Variants in NEGR1 observed in about 807,000 individuals in gnomAD.
NEGR1 encodes the protein neuronal growth regulator 1.
A neutral mutation model predicts 40.9 loss-of-function variants in NEGR1; 10 were observed. The ratio of observed to expected loss-of-function variants is 0.24; its 90% confidence interval spans 0.15 to 0.42. The LOEUF is 0.42. Ranked by LOEUF, NEGR1 falls within the 10% of genes least tolerant of loss-of-function variation. The probability of loss-of-function intolerance (pLI) is 1.00; values close to 1 mark genes in which losing one functional copy is unlikely to be tolerated. For synonymous variants in NEGR1, 185 were observed against 166.8 expected, an observed-to-expected ratio of 1.11 and a Z score of -0.84; for missense variants, 352 against 438.9, an observed-to-expected ratio of 0.80 and a Z score of 1.77.
At chr1:71,686,389 T>C (rs1238181440) in intron 4 of NEGR1, among the ~76,000 whole-genome samples, 2 of 152,142 alleles carry the variant, frequency 1.3e-5, no homozygotes, top group Non-Finnish European at 2.9e-5. Flanking sequence ...GGTAGGGATA[T>C]TCTGCTGCAC....
intron 2 of NEGR1, among the ~76,000 whole-genome samples, chr1:71,885,946 T>C (rs1660711261): frequency 3.3e-5 from 5 of 152,182 alleles, no homozygotes; most frequent in Admixed American, 3.3e-4. Flanking sequence ...GAAATGCTTT[T>C]AATAAGCAGG....
At chr1:72,204,388 G>T (rs1180652143) in intron 1 of NEGR1, among the ~76,000 whole-genome samples, 3 of 152,000 alleles carry the variant, frequency 2.0e-5, no homozygotes, top group African/African-American at 7.2e-5. Flanking sequence ...AGGAGTAAAA[G>T]AATTTTTAGA....
chr1:72,100,629 ATTTG>A (rs1289366468), intron 1 of NEGR1: 1 of 152,150 alleles, frequency 6.6e-6, no homozygotes, highest in Non-Finnish European at 1.5e-5. Context: ...GTTCTAAATT[ATTTG>A]TTTATTATTT....
chr1:72,038,505 AT>A (rs1244493472), intron 1 of NEGR1, among the ~76,000 whole-genome samples: 2 of 152,042 alleles, frequency 1.3e-5, no homozygotes, highest in African/African-American at 4.8e-5. Context: ...GTCAGTGAGT[AT>A]GCAAGCTCAA....
chr1:71,748,990 A>G (rs1427177086), intron 3 of NEGR1, among the ~76,000 whole-genome samples: 2 of 152,156 alleles, frequency 1.3e-5, no homozygotes, highest in East Asian at 3.9e-4. Context: ...ATCAAATAAG[A>G]TCATAGTATT....
chr1:72,187,648 A>G (rs1052089614), intron 1 of NEGR1, among the ~76,000 whole-genome samples: 2 of 123,598 alleles, frequency 1.6e-5, no homozygotes, highest in Admixed American at 1.8e-4. Context: ...GCCATGTTGA[A>G]ACAGACAATC....
intron 3 of NEGR1, among the ~76,000 whole-genome samples, chr1:71,773,139 T>A (rs976652146): frequency 6.6e-6 from 1 of 152,168 alleles, no homozygotes; most frequent in African/African-American, 2.4e-5. Flanking sequence ...AGCCTCATTT[T>A]TCTGTAAATA....
chr1:71,683,124 C>T (rs188332394), intron 4 of NEGR1, among the ~76,000 whole-genome samples: 6 of 152,104 alleles, frequency 3.9e-5, no homozygotes, highest in East Asian at 1.9e-4. Context: ...ATAGGTTTTC[C>T]GAGGAGAATT....
In NEGR1 at chr1:71,727,310, C is replaced by A. The variant is rs539118222; in HGVS notation, c.536-29171G>T. On this transcript the variant is annotated intron_variant, in intron 3 of 6. Coordinates refer to ENST00000357731, the MANE Select transcript of NEGR1 (RefSeq NM_173808.3). ...ATAATTTTAATATACCATATAAAAA[C>A]AAATAAGTAATAACCACTTTGAATT... is the stretch of plus-strand genomic sequence containing the variant. 3.9e-5 allele frequency among the ~76,000 whole-genome samples: 6 copies of A among 152,064 alleles called. No homozygotes were observed. The East Asian group carries it at 1.2e-3, about 29-fold the overall frequency.
intron 1 of NEGR1, among the ~76,000 whole-genome samples, chr1:72,139,579 A>C (rs1384557893): frequency 6.6e-6 from 1 of 152,100 alleles, no homozygotes; most frequent in Non-Finnish European, 1.5e-5. Context: ...ATATGAAAGC[A>C]CACTCATAGG....
At chr1:71,691,201 C>T (rs2101622137) in intron 4 of NEGR1, among the ~76,000 whole-genome samples, 2 of 151,940 alleles carry the variant, frequency 1.3e-5, no homozygotes. Flanking sequence ...ATGTCTCCCT[C>T]AATAGAAAAA....
chr1:71,670,454 C>A (rs905337715), intron 4 of NEGR1, among the ~76,000 whole-genome samples: 3 of 152,116 alleles, frequency 2.0e-5, no homozygotes, highest in African/African-American at 7.2e-5. Flanking sequence ...CTGGTTCATA[C>A]ATTTTTTGTT....
At chr1:71,762,653 T>G (rs1655985482) in intron 3 of NEGR1, among the ~76,000 whole-genome samples, 1 of 152,122 alleles carries the variant, frequency 6.6e-6, no homozygotes, top group South Asian at 2.1e-4. Flanking sequence ...CTGGGAAAGA[T>G]CTCAAGGACA....
chr1:72,281,074 G>C (rs1238371858), intron 1 of NEGR1, among the ~76,000 whole-genome samples: 2 of 152,166 alleles, frequency 1.3e-5, no homozygotes, highest in Non-Finnish European at 2.9e-5. Flanking sequence ...CTGCAGTGTT[G>C]CTTAGGGGTA....
At chr1:71,970,560 T>C (rs926555272) in intron 1 of NEGR1, among the ~76,000 whole-genome samples, 7 of 151,906 alleles carry the variant, frequency 4.6e-5, no homozygotes, top group African/African-American at 1.7e-4. Flanking sequence ...GGCATGGTAG[T>C]GCGTGCCTGT....
intron 1 of NEGR1, among the ~76,000 whole-genome samples, chr1:72,018,539 A>G (rs1384829384): frequency 6.6e-6 from 1 of 152,178 alleles, no homozygotes; most frequent in South Asian, 2.1e-4. Flanking sequence ...AATTTTTAAT[A>G]ACTTCTCAGG....
chr1:72,215,808 T>G (rs887362909), intron 1 of NEGR1, among the ~76,000 whole-genome samples: 2 of 152,050 alleles, frequency 1.3e-5, no homozygotes, highest in African/African-American at 4.8e-5. Context: ...TGGTGATTCC[T>G]CAAGGATCTA....
At chr1:71,490,471 A>G (rs541336566) in intron 6 of NEGR1, among the ~76,000 whole-genome samples, 1 of 152,156 alleles carries the variant, frequency 6.6e-6, no homozygotes, top group South Asian at 2.1e-4. Flanking sequence ...CTTCTAACAC[A>G]ACATTGATAG....
intron 6 of NEGR1, among the ~76,000 whole-genome samples, chr1:71,550,949 A>G (rs1019942679): frequency 6.6e-5 from 10 of 151,594 alleles, no homozygotes; most frequent in African/African-American, 2.2e-4. Flanking sequence ...ATAACTTAGA[A>G]CATCTACATC....
Sources: allele counts gnomAD v4.1 joint callset (sites outside exome capture counted in the v4.1 genomes callset), GRCh38; gene constraint gnomAD v4.1.1; transcripts MANE v1.5; gene names NCBI Gene and HGNC (gene_info 2026-07-23, HGNC 2026-07-21).